VWF: variants seen among roughly 807,000 people sequenced by gnomAD.
VWF encodes the protein von Willebrand factor, also known as Factor VIII related antigen.
Under a neutral mutation model 308.6 loss-of-function variants are expected in VWF, and 176 were observed. The ratio of observed to expected loss-of-function variants is 0.57; its 90% CI spans 0.50 to 0.65. The LOEUF (loss-of-function observed/expected upper bound fraction) is 0.65, where lower values mean the gene tolerates loss of function less well. Among genes scored for constraint, VWF ranks in the 30% least tolerant of loss-of-function variants. VWF has a pLI of 0.00. For synonymous variants in VWF, 1,385 were observed against 1,443.4 expected, an observed-to-expected ratio of 0.96 and a Z score of 0.92; for missense variants, 3,146 against 3,648.2, an observed-to-expected ratio of 0.86 and a Z score of 3.55.
intron 7 of VWF, 150 bp from the exon 8 acceptor site, chr12:6,073,891 AC>A: frequency 8.1e-7 from 1 of 1,240,972 alleles, no homozygotes; most frequent in Non-Finnish European, 1.1e-6. Context: ...CCAGTGAGCC[AC>A]GTGCCCCCCT....
In VWF at chr12:5,989,839, T is replaced by A. The variant is rs369904925; in HGVS notation, c.6798+1980A>T. ...TCATCACAGAACGCCAAGGAAAAGATCATTTCTGTCTCCTTCTGAGAGCAA... is the reference window on the plus strand; with the variant it reads ...TCATCACAGAACGCCAAGGAAAAGAACATTTCTGTCTCCTTCTGAGAGCAA... On this transcript the variant is annotated intron_variant, in intron 38 of 51. Transcript: ENST00000261405. Among the ~76,000 whole-genome samples the A allele has an allele frequency of 5.9e-5, 9 of 152,170 alleles. No homozygotes were observed. In the South Asian group the frequency reaches 1.4e-3, roughly 24 times the overall value.
At chr12:6,112,835 C>T (rs1017269354) in intron 3 of VWF, among the ~76,000 whole-genome samples, 2 of 150,814 alleles carry the variant, frequency 1.3e-5, no homozygotes, top group African/African-American at 5.0e-5. Flanking sequence ...CAGACACACA[C>T]ACACACACAC....
intron 34 of VWF, among the ~76,000 whole-genome samples, chr12:6,009,426 A>AAC (rs3062550): frequency 0.15 from 22,384 of 146,424 alleles, 1,707 homozygotes; most frequent in South Asian, 0.17. Flanking sequence ...GCCATTATCA[A>AAC]ACACACACAC....
chr12:6,124,439 G>T lies in VWF; in HGVS notation c.-19C>A. ...GCCATACCTTCCCCTGCAAATGAGG[G>T]CTGCGGCTATCTCCAAGGTCCCTGG... On this transcript the variant is annotated 5_prime_UTR_variant, in exon 1 of 52. Transcript: ENST00000261405. 1 of 152,650 alleles carries T rather than the reference G, an allele frequency of 6.6e-6. No individual in the cohort carries two copies. Among genetic ancestry groups the T allele is most frequent in the Non-Finnish European group, 1.5e-5 (1 of 68,350 alleles). 9.5% of individuals were successfully genotyped at this position (152,650 alleles called of 1,614,324 possible). A position where few individuals can be genotyped will look rare whatever the true frequency, so the allele number is the denominator to read the frequency against.
chr12:6,062,525 G>A (rs1944665477), intron 13 of VWF, among the ~76,000 whole-genome samples: 1 of 151,926 alleles, frequency 6.6e-6, no homozygotes, highest in South Asian at 2.1e-4. Context: ...GTGTCCAGGG[G>A]AAGAATCTGG....
chr12:6,006,660 T>A (rs1943930868), intron 34 of VWF, among the ~76,000 whole-genome samples: 2 of 152,146 alleles, frequency 1.3e-5, no homozygotes, highest in South Asian at 4.2e-4. Context: ...GTGCTTGTAG[T>A]TCCAGCTACT....
intron 49 of VWF, 107 bp downstream of exon 49, chr12:5,952,284 T>A: frequency 6.8e-7 from 1 of 1,470,364 alleles, no homozygotes; most frequent in Non-Finnish European, 9.5e-7. Context: ...GCCAGAGATG[T>A]GCCTCAGACA....
chr12:6,032,871 CT>C lies in VWF; in HGVS notation c.2686-1294del, dbSNP rs574039669. Among the ~76,000 whole-genome samples the C allele has an allele frequency of 3.0e-3, 130 of 43,286 alleles. 1 individual carries two copies. Among genetic ancestry groups the C allele is most frequent in the African/African-American group, 0.015 (126 of 8,222 alleles). The allele number at this position is 43,286 out of a possible 152,430, so 28.4% of individuals were successfully genotyped here. Reference sequence around the variant, plus strand: ...AGATGCACACACATACACCCATGTACTCATACACACACACACGCATACACAT... The same window carrying C: ...AGATGCACACACATACACCCATGTACCATACACACACACACGCATACACAT... On this transcript the variant is annotated intron_variant, in intron 20 of 51. Transcript: ENST00000261405.
chr12:6,107,709 A>G (rs949533747), intron 5 of VWF, among the ~76,000 whole-genome samples: 8 of 152,066 alleles, frequency 5.3e-5, no homozygotes, highest in Non-Finnish European at 7.3e-5. Context: ...CCCAGGCTGG[A>G]GTGCAGTGGT....
chr12:5,999,503 C>CACACACCA (rs1555193386), intron 34 of VWF, among the ~76,000 whole-genome samples: 23 of 149,298 alleles, frequency 1.5e-4, no homozygotes, highest in African/African-American at 3.7e-4. Context: ...CACACACACA[C>CACACACCA]CACTAAGGAA....
chr12:5,988,228 T>C (rs1305396171), intron 38 of VWF, among the ~76,000 whole-genome samples: 1 of 151,956 alleles, frequency 6.6e-6, no homozygotes, highest in African/African-American at 2.4e-5. Context: ...CTGAAGACAA[T>C]GGAGGAGGCC....
At position 6,019,449 on chromosome 12, in the gene VWF, G is replaced by A. The variant is rs558167224; in HGVS notation, c.3969C>T (p.Asp1323=). 27 of 1,613,890 alleles carry A rather than the reference G, an allele frequency of 1.7e-5. No homozygotes were observed. The highest frequency in any genetic ancestry group is 1.6e-4 in the South Asian group (15 of 91,070). Residue 1323 remains aspartate, a synonymous_variant, in exon 28 of 52, where the codon GAC becomes GAT. Coordinates refer to ENST00000261405, the MANE Select transcript of VWF (RefSeq NM_000552.5). This position sits in a 1 kb window ranked among gnomAD's most constrained non-coding sequence, Gnocchi z 5.8. ...TGAGCCCGATGTAGGCGTGGGAGCC[G>A]TCGTGGTACTCCACCACGGCCACGC... ...WVRVAVVEYH[D]GSHAYIGLKD...
At chr12:6,111,290 T>C (rs1945305201) in intron 3 of VWF, among the ~76,000 whole-genome samples, 1 of 152,132 alleles carries the variant, frequency 6.6e-6, no homozygotes, top group Admixed American at 6.6e-5. Context: ...ATGCGACAAT[T>C]GAGTATATTG....
intron 6 of VWF, among the ~76,000 whole-genome samples, chr12:6,089,330 C>A (rs892789650): frequency 6.6e-6 from 1 of 152,202 alleles, no homozygotes; most frequent in Non-Finnish European, 1.5e-5. Context: ...AACCTGAAAC[C>A]GGGAGTTCTG....
chr12:6,116,892 A>G (rs1945373085), intron 3 of VWF, among the ~76,000 whole-genome samples: 2 of 152,210 alleles, frequency 1.3e-5, no homozygotes. Flanking sequence ...ATGTCATTGC[A>G]GAACAATGGA....
rs71064187 is a variant in VWF, at chr12:6,092,614, T to TGAGTGAGTGAGAGAGAGAGAGAGA, written c.657+2845_657+2846insTCTCTCTCTCTCTCTCACTCACTC. 6.4e-4 allele frequency among the ~76,000 whole-genome samples: 55 copies of TGAGTGAGTGAGAGAGAGAGAGAGA among 86,088 alleles called. 5 individuals carry two copies. The highest frequency in any genetic ancestry group is 2.8e-3 in the African/African-American group (48 of 17,264). The allele number at this position is 86,088 out of a possible 152,430, so 56.5% of individuals were successfully genotyped here. ...CATGCCCAGCTAGTTAGTGAGTGAG[T>TGAGTGAGTGAGAGAGAGAGAGAGA]GAGAGTGTGTGTGTGTGTGTGTGTG... On this transcript the variant is annotated intron_variant, in intron 6 of 51. Coordinates refer to ENST00000261405, the MANE Select transcript of VWF (RefSeq NM_000552.5).
intron 38 of VWF, among the ~76,000 whole-genome samples, chr12:5,987,177 C>G (rs1943689044): frequency 6.6e-6 from 1 of 152,176 alleles, no homozygotes; most frequent in Admixed American, 6.5e-5. Flanking sequence ...ATCCACCTGC[C>G]TCAGCCTCCC....
chr12:6,026,982 T>C, intron 22 of VWF, among the ~76,000 whole-genome samples: 1 of 151,776 alleles, frequency 6.6e-6, no homozygotes, highest in East Asian at 1.9e-4. Context: ...GCTATACTTT[T>C]ACAATATACT....
At chr12:5,966,828 C>G (rs913598321) in intron 47 of VWF, among the ~76,000 whole-genome samples, 2 of 152,268 alleles carry the variant, frequency 1.3e-5, no homozygotes, top group Admixed American at 6.5e-5. Context: ...GCCAAGGCCC[C>G]TCCTGAGCTT....
Sources: allele counts gnomAD v4.1 joint callset (sites outside exome capture counted in the v4.1 genomes callset), GRCh38; gene constraint gnomAD v4.1.1; non-coding constraint Gnocchi (gnomAD v3.1); transcripts MANE v1.5; gene names NCBI Gene and HGNC (gene_info 2026-07-23, HGNC 2026-07-21).